Variants in TMEM132E observed in about 807,000 individuals in gnomAD.
TMEM132E encodes transmembrane protein 132E.
In TMEM132E, 49 loss-of-function variants were observed where a neutral mutation model predicts 78.5. The observed-to-expected ratio is 0.62, with a 90% CI of 0.50 to 0.79. The LOEUF is 0.79. TMEM132E is among the 30% of genes least tolerant of loss of function. The pLI is 0.00. For missense variants in TMEM132E, 1,403 were observed against 1,470.9 expected (o/e 0.95, Z 0.75); for synonymous variants, 715 against 670.6 (o/e 1.07, Z -1.02).
intron 1 of TMEM132E, among the ~76,000 whole-genome samples, chr17:34,603,414 C>T (rs1411480568): frequency 6.6e-6 from 1 of 152,132 alleles, no homozygotes; most frequent in Non-Finnish European, 1.5e-5. Context: ...CAGCTAGCAC[C>T]CTGTATAGTC....
chr17:34,609,113 G>A (rs1237680866), intron 1 of TMEM132E, among the ~76,000 whole-genome samples: 1 of 152,160 alleles, frequency 6.6e-6, no homozygotes, highest in African/African-American at 2.4e-5. Context: ...GTAAAATGGG[G>A]GTGAATCACA....
chr17:34,600,426 A>AGTGTGTGT (rs3220449), intron 1 of TMEM132E, among the ~76,000 whole-genome samples: 6,684 of 143,938 alleles, frequency 0.046, 220 homozygotes, highest in African/African-American at 0.088. Flanking sequence ...AGCGTATATG[A>AGTGTGTGT]GTGTGTGTGT....
chr17:34,583,352 C>T (rs1405976256), intron 1 of TMEM132E, among the ~76,000 whole-genome samples: 1 of 152,258 alleles, frequency 6.6e-6, no homozygotes, highest in African/African-American at 2.4e-5. Context: ...CATCGCATGT[C>T]TCAGTCTCCC....
chr17:34,631,947 G>A (rs576631176), intron 5 of TMEM132E, among the ~76,000 whole-genome samples: 1 of 152,340 alleles, frequency 6.6e-6, no homozygotes, highest in South Asian at 2.1e-4. Flanking sequence ...TGACACCTCT[G>A]TGAGTGGGCA....
At chr17:34,611,794 G>A (rs755178438) in intron 1 of TMEM132E, among the ~76,000 whole-genome samples, 18 of 152,134 alleles carry the variant, frequency 1.2e-4, no homozygotes, top group Non-Finnish European at 2.2e-4. Flanking sequence ...TTGAATTCAC[G>A]GTGATGATTC....
chr17:34,588,304 G>A (rs1477007124), intron 1 of TMEM132E, among the ~76,000 whole-genome samples: 3 of 152,164 alleles, frequency 2.0e-5, no homozygotes, highest in African/African-American at 7.2e-5. Context: ...TTGCAGATTT[G>A]CCGTGGTTTT....
At position 34,626,398 on chromosome 17, in the gene TMEM132E, C is replaced by T; in HGVS notation, c.339C>T (p.Thr113=). The change falls in exon 2 of 9, where the codon ACC becomes ACT. Residue 113 remains threonine, a synonymous_variant. Coordinates refer to ENST00000631683, the MANE Select transcript of TMEM132E (RefSeq NM_001304438.2). Reference sequence around the variant, plus strand: ...GGGAGCTCCTGCAGCCGTCCAGCACCCTGGACATCCCCGAGCGCCTGACGG... The same window carrying T: ...GGGAGCTCCTGCAGCCGTCCAGCACTCTGGACATCCCCGAGCGCCTGACGG... ...VARELLQPSS[T]LDIPERLTVN... is the part of the protein sequence containing the mutation. 2 of 1,613,322 alleles carry T rather than the reference C, an allele frequency of 1.2e-6. No homozygotes were observed. The highest frequency in any genetic ancestry group is 1.7e-6 in the Non-Finnish European group (2 of 1,179,810).
intron 1 of TMEM132E, among the ~76,000 whole-genome samples, chr17:34,612,159 G>A (rs1597684110): frequency 6.6e-6 from 1 of 152,146 alleles, no homozygotes. Flanking sequence ...CAGGAAGGGG[G>A]CTGTCCTTCC....
chr17:34,580,868 G>A lies in TMEM132E; in HGVS notation c.-209G>A. 2.2e-6 allele frequency: 1 copy of A among 462,548 alleles called. No individual in the cohort carries two copies. The highest frequency in any genetic ancestry group is 3.8e-6 in the Non-Finnish European group (1 of 261,384). The allele number at this position is 462,548 out of a possible 1,614,324, so 28.7% of individuals were successfully genotyped here. A position where few individuals can be genotyped will look rare whatever the true frequency, so the allele number is the denominator to read the frequency against. On this transcript the variant is annotated 5_prime_UTR_variant, in exon 1 of 9. Transcript: ENST00000631683. ...GGAGGCTCCTCCCGCCCGGAGCTGC[G>A]CCCCCACCGGCTCCGAGGGTGTAGC...
rs189830887 is a variant in TMEM132E at position 34,613,584 on chromosome 17, A to G, written c.68-12543A>G. On this transcript the variant is annotated intron_variant, in intron 1 of 8. Transcript: ENST00000631683. ...TTTTCTCTCTCCAGGCTTATCTCCT[A>G]TTTCCTTCCTCTCTGTCCCCTCTTT... Among the ~76,000 whole-genome samples, 579 of 149,732 alleles carry G rather than the reference A, an allele frequency of 3.9e-3. 6 individuals carry two copies. Among genetic ancestry groups the G allele is most frequent in the South Asian group, 0.015 (69 of 4,656 alleles).
rs2142086715 is a variant in TMEM132E, at chr17:34,634,951, C to T, written c.1841C>T (p.Thr614Ile). ...TSSEGTDQVV[T>I]MLGPDWLVEV... ...TCCGAGGGCACTGACCAGGTGGTCA[C>T]CATGTTAGGCCCGGACTGGCTGGTG... is the stretch of plus-strand genomic sequence containing the variant. Residue 614 changes from threonine (T) to isoleucine (I), a missense_variant, in exon 7 of 9, where the codon ACC becomes ATC. Physicochemically the swap from Thr to Ile is moderately conservative, Grantham distance 89. This residue lies in a region of TMEM132E where 888 missense variants were observed against 952.8 expected (regional missense o/e 0.93). Coordinates refer to ENST00000631683, the MANE Select transcript of TMEM132E (RefSeq NM_001304438.2). The T allele has an allele frequency of 6.2e-7, 1 of 1,614,184 alleles. No individual in the cohort carries two copies. Among genetic ancestry groups the T allele is most frequent in the Non-Finnish European group, 8.5e-7 (1 of 1,180,042 alleles).
rs773423369 is a variant in TMEM132E, at chr17:34,632,898, C to T, written c.1677C>T (p.Leu559=). ...SQVKGWRVPI[L]PDRRSVRESE... ...TGAAGGGCTGGAGGGTACCTATCCT[C>T]CCCGACCGGAGGTACAGCCCCTCTC... The change falls in exon 6 of 9, where the codon CTC becomes CTT. Residue 559 remains leucine, a synonymous_variant. Transcript: ENST00000631683. 2 of 1,614,172 alleles carry T rather than the reference C, an allele frequency of 1.2e-6. No individual in the cohort carries two copies. Among genetic ancestry groups the T allele is most frequent in the Non-Finnish European group, 1.7e-6 (2 of 1,180,034 alleles).
chr17:34,629,625 G>C (rs561627486), intron 4 of TMEM132E, among the ~76,000 whole-genome samples: 2 of 152,194 alleles, frequency 1.3e-5, no homozygotes, highest in African/African-American at 4.8e-5. Context: ...AGAGTGTCAT[G>C]GAGTGGTAGG....
In TMEM132E at chr17:34,629,112, C is replaced by A. The variant is rs564573738; in HGVS notation, c.1246C>A (p.Arg416Ser). 1 of 1,613,284 alleles carries A rather than the reference C, an allele frequency of 6.2e-7. No individual in the cohort carries two copies. The highest frequency in any genetic ancestry group is 1.1e-5 in the South Asian group (1 of 90,950). Residue 416 changes from arginine (R) to serine (S), a missense_variant, in exon 4 of 9, where the codon CGT (arginine) becomes AGT (serine). Physicochemically the swap from Arg to Ser is moderately radical, Grantham distance 110 (BLOSUM62 -1). Transcript: ENST00000631683. ...GAGGATCATGTGGCACATTGACTAC[C>A]GTGGCCACGGCGCCCTGCCTGACCT... is the stretch of plus-strand genomic sequence containing the variant. ...KRRIMWHIDY[R>S]GHGALPDLER... is the part of the protein sequence containing the mutation.
At chr17:34,624,289 G>T (rs1235800316) in intron 1 of TMEM132E, among the ~76,000 whole-genome samples, 3 of 152,258 alleles carry the variant, frequency 2.0e-5, no homozygotes, top group East Asian at 3.8e-4. Context: ...TGCATAAACT[G>T]CAAGTAATAT....
At chr17:34,616,768 A>G (rs1414755555) in intron 1 of TMEM132E, among the ~76,000 whole-genome samples, 1 of 152,180 alleles carries the variant, frequency 6.6e-6, no homozygotes, top group Non-Finnish European at 1.5e-5. Flanking sequence ...GGAGGCACTC[A>G]TCCCTCTGTC....
At position 34,627,071 on chromosome 17, in the gene TMEM132E, T is replaced by C; in HGVS notation, c.998+14T>C. 1.4e-6 allele frequency: 2 copies of C among 1,458,414 alleles called. No homozygotes were observed. Among genetic ancestry groups the C allele is most frequent in the Non-Finnish European group, 1.8e-6 (2 of 1,083,916 alleles). 90.3% of individuals were successfully genotyped at this position (1,458,414 alleles called of 1,614,324 possible). ...CTTCACACTCAGGTAGTAGGGAAGA[T>C]GGGTGGGGATCTGGTTTCCCTTCCA... On this transcript the variant is annotated intron_variant, in intron 2 of 8. Coordinates refer to ENST00000631683, the MANE Select transcript of TMEM132E (RefSeq NM_001304438.2).
At chr17:34,612,072 G>C (rs1906608995) in intron 1 of TMEM132E, among the ~76,000 whole-genome samples, 1 of 152,106 alleles carries the variant, frequency 6.6e-6, no homozygotes, top group Non-Finnish European at 1.5e-5. Flanking sequence ...AGTCACCCCT[G>C]GCAGGTGGCA....
chr17:34,626,944 G>C lies in TMEM132E; in HGVS notation c.885G>C (p.Met295Ile). ...LQEHRLDSNL[M>I]IRLPDRPLKP... ...AGCACAGGCTGGACAGCAACCTGAT[G>C]ATCCGCCTGCCAGACCGGCCCCTCA... The change falls in exon 2 of 9, where the codon ATG (methionine) becomes ATC (isoleucine). Residue 295 changes from methionine (M) to isoleucine (I), a missense_variant. Physicochemically the swap from Met to Ile is conservative, Grantham distance 10. Coordinates refer to ENST00000631683, the MANE Select transcript of TMEM132E (RefSeq NM_001304438.2). 1 of 1,613,820 alleles carries C rather than the reference G, an allele frequency of 6.2e-7. No individual in the cohort carries two copies. The highest frequency in any genetic ancestry group is 8.5e-7 in the Non-Finnish European group (1 of 1,180,024).
Sources: gnomAD v4.1 joint callset for allele counts (sites outside exome capture counted in the v4.1 genomes callset) on GRCh38, gnomAD v4.1.1 for gene constraint, gnomAD v4.1.1 regional missense constraint, MANE v1.5 for transcripts, NCBI Gene and HGNC (gene_info 2026-07-23, HGNC 2026-07-21) for gene names.